KHDRBS2: variants seen among roughly 807,000 people sequenced by gnomAD.
The protein encoded by KHDRBS2 is KH domain-containing, RNA-binding, signal transduction-associated protein 2.
KHDRBS2 carries 26 observed loss-of-function variants against 44.3 expected under a neutral mutation model. The ratio of observed to expected loss-of-function variants is 0.59; its 90% CI spans 0.43 to 0.81. KHDRBS2 has a LOEUF of 0.81. Among genes scored for constraint, KHDRBS2 ranks in the 40% least tolerant of loss-of-function variants. The pLI, the probability that KHDRBS2 is intolerant of heterozygous loss-of-function variation, is 0.00. For missense variants in KHDRBS2, 476 were observed against 433.1 expected, an observed-to-expected ratio of 1.10 and a Z score of -0.88; for synonymous variants, 194 against 151.1, an observed-to-expected ratio of 1.28 and a Z score of -2.08.
At chr6:62,250,760 G>A (rs1836386933) in intron 1 of KHDRBS2, among the ~76,000 whole-genome samples, 1 of 151,938 alleles carries the variant, frequency 6.6e-6, no homozygotes, top group African/African-American at 2.4e-5. Flanking sequence ...AGACTCACAA[G>A]TTGTAAGGGA....
At chr6:62,039,262 A>AC (rs1242868340) in intron 3 of KHDRBS2, among the ~76,000 whole-genome samples, 1 of 151,016 alleles carries the variant, frequency 6.6e-6, no homozygotes, top group African/African-American at 2.4e-5. Flanking sequence ...GCAAACACAC[A>AC]CACACACACA....
chr6:61,634,936 T>C, the KHDRBS2 span, among the ~76,000 whole-genome samples: 1 of 151,674 alleles, frequency 6.6e-6, no homozygotes, highest in Non-Finnish European at 1.5e-5. Context: ...TTATTATCTA[T>C]TTTATAGCTA....
chr6:61,971,410 C>A (rs1171389824), intron 4 of KHDRBS2, among the ~76,000 whole-genome samples: 6 of 150,940 alleles, frequency 4.0e-5, no homozygotes, highest in African/African-American at 1.2e-4. Flanking sequence ...AAGGGCAATT[C>A]AAAAAAAATG....
At chr6:61,877,884 T>C (rs889748201) in intron 6 of KHDRBS2, among the ~76,000 whole-genome samples, 1 of 151,974 alleles carries the variant, frequency 6.6e-6, no homozygotes, top group Non-Finnish European at 1.5e-5. Flanking sequence ...GATTGTTTTT[T>C]CATAAAAATT....
chr6:61,721,842 A>AT (rs142532473), intron 7 of KHDRBS2, among the ~76,000 whole-genome samples: 81,214 of 106,694 alleles, frequency 0.76, 31,997 homozygotes, highest in African/African-American at 0.87. Context: ...GAGAGAGGGC[A>AT]CCCCGTCTTG....
intron 2 of KHDRBS2, among the ~76,000 whole-genome samples, chr6:62,071,071 G>C (rs967059626): frequency 6.6e-6 from 1 of 152,124 alleles, no homozygotes; most frequent in Non-Finnish European, 1.5e-5. Context: ...GTTTTGATTT[G>C]CATTTCTCTG....
chr6:61,602,022 G>C, the KHDRBS2 span, among the ~76,000 whole-genome samples: 1 of 152,074 alleles, frequency 6.6e-6, no homozygotes, highest in Non-Finnish European at 1.5e-5. Context: ...CCAGGTCACG[G>C]CTTATTTGGC....
the KHDRBS2 span, among the ~76,000 whole-genome samples, chr6:61,574,684 T>C: frequency 1.3e-5 from 2 of 152,082 alleles, no homozygotes; most frequent in East Asian, 1.9e-4. Context: ...GGCAGGTGGA[T>C]ACCTGAGATC....
intron 6 of KHDRBS2, among the ~76,000 whole-genome samples, chr6:61,760,983 G>C (rs2127572527): frequency 6.6e-6 from 1 of 152,286 alleles, no homozygotes; most frequent in East Asian, 1.9e-4. Context: ...GCTATTTTTA[G>C]TGGTAAGATT....
At chr6:61,945,476 GA>G (rs1813176761) in intron 4 of KHDRBS2, among the ~76,000 whole-genome samples, 1 of 151,720 alleles carries the variant, frequency 6.6e-6, no homozygotes, top group African/African-American at 2.4e-5. Flanking sequence ...TTCATAGCAA[GA>G]TACAAACGGC....
chr6:61,944,442 G>C (rs1387424037), intron 4 of KHDRBS2, among the ~76,000 whole-genome samples: 1 of 150,878 alleles, frequency 6.6e-6, no homozygotes, highest in Non-Finnish European at 1.5e-5. Context: ...TATGTGCAAG[G>C]TAAAAAAAAA....
chr6:62,108,371 G>A (rs1273054435), intron 2 of KHDRBS2, among the ~76,000 whole-genome samples: 1 of 152,206 alleles, frequency 6.6e-6, no homozygotes, highest in Non-Finnish European at 1.5e-5. Context: ...GCCATCAGGA[G>A]AAATGCAAAT....
chr6:62,089,538 C>T (rs1799100283), intron 2 of KHDRBS2, among the ~76,000 whole-genome samples: 1 of 152,102 alleles, frequency 6.6e-6, no homozygotes, highest in Admixed American at 6.5e-5. Context: ...TCCTTCTGCT[C>T]GCCCTCCTTG....
At chr6:61,687,768 T>C (rs1381083896) in intron 8 of KHDRBS2, among the ~76,000 whole-genome samples, 1 of 151,906 alleles carries the variant, frequency 6.6e-6, no homozygotes, top group Non-Finnish European at 1.5e-5. Flanking sequence ...ACTGCTATAT[T>C]CTAATTGTGA....
At chr6:61,704,943 A>T (rs1769272453) in intron 7 of KHDRBS2, among the ~76,000 whole-genome samples, 1 of 151,890 alleles carries the variant, frequency 6.6e-6, no homozygotes, top group Non-Finnish European at 1.5e-5. Flanking sequence ...AATGATTTGT[A>T]AACACAATTT....
chr6:62,114,091 C>G (rs1310626373), intron 2 of KHDRBS2, among the ~76,000 whole-genome samples: 6 of 152,236 alleles, frequency 3.9e-5, no homozygotes, highest in Non-Finnish European at 7.4e-5. Context: ...ATCTCACTCA[C>G]TATCATGAGA....
At chr6:62,154,902 G>T (rs1446938890) in intron 2 of KHDRBS2, among the ~76,000 whole-genome samples, 2 of 152,192 alleles carry the variant, frequency 1.3e-5, no homozygotes, top group Non-Finnish European at 2.9e-5. Context: ...GACCATGCAA[G>T]TCATACAAAA....
chr6:62,261,691 A>G (rs538053869), intron 1 of KHDRBS2, among the ~76,000 whole-genome samples: 1 of 151,944 alleles, frequency 6.6e-6, no homozygotes, highest in African/African-American at 2.4e-5. Context: ...AGCTTGCTAA[A>G]TCGTATATTA....
chr6:61,661,825 A>C, the KHDRBS2 span, among the ~76,000 whole-genome samples: 46 of 152,152 alleles, frequency 3.0e-4, no homozygotes, highest in Admixed American at 1.6e-3. Context: ...ATACTGCCTA[A>C]GGTAATTTAT....
Sources: gnomAD v4.1 joint callset for allele counts (sites outside exome capture counted in the v4.1 genomes callset) on GRCh38, gnomAD v4.1.1 for gene constraint, MANE v1.5 for transcripts, NCBI Gene and HGNC (gene_info 2026-07-23, HGNC 2026-07-21) for gene names.